Variants in MMAB observed in about 807,000 individuals in gnomAD.
MMAB encodes the protein corrinoid adenosyltransferase MMAB.
MMAB carries 17 observed loss-of-function variants against 30.6 expected under a neutral mutation model. The observed-to-expected ratio is 0.56, with a 90% confidence interval of 0.38 to 0.83. MMAB has a LOEUF of 0.83. Ranked by LOEUF, MMAB falls within the 40% of genes least tolerant of loss-of-function variation. MMAB has a pLI of 0.00. For synonymous variants in MMAB, 134 were observed against 138.6 expected (o/e 0.97, Z 0.23); for missense variants, 311 against 331.6 (o/e 0.94, Z 0.48).
Position 109,573,438 on chromosome 12 carries a change from G to C in MMAB, c.43C>G (p.Arg15Gly). The C allele has an allele frequency of 1.2e-6, 2 of 1,606,932 alleles. No homozygotes were observed. Among genetic ancestry groups the C allele is most frequent in the Non-Finnish European group, 1.7e-6 (2 of 1,177,860 alleles). The part of the protein sequence containing the change: ...GLGSRLGLGS[R>G]LGLRGCFGAA... ...CCGAAGCACCCGCGCAGGCCAAGAC[G>C]GCTCCCCAGGCCAAGACGGCTCCCC... Residue 15 changes from arginine to glycine, a missense_variant, in exon 1 of 9, where the codon CGT becomes GGT. Coordinates refer to ENST00000545712, the MANE Select transcript of MMAB (RefSeq NM_052845.4).
intron 4 of MMAB, among the ~76,000 whole-genome samples, chr12:109,562,481 G>A (rs191728485): frequency 6.6e-6 from 1 of 152,194 alleles, no homozygotes; most frequent in African/African-American, 2.4e-5. Flanking sequence ...TGGCTCTTTT[G>A]CAGTCTGAGG....
chr12:109,557,929 C>T (rs371191383), intron 8 of MMAB, among the ~76,000 whole-genome samples: 11 of 152,346 alleles, frequency 7.2e-5, no homozygotes, highest in South Asian at 2.1e-4. Context: ...TAGAGGACGA[C>T]GCCACGGGCC....
In MMAB at chr12:109,555,286, T is replaced by TTTGTTTGTTTGTTTG; in HGVS notation, c.*1741_*1742insCAAACAAACAAACAA. On this transcript the variant is annotated 3_prime_UTR_variant, in exon 9 of 9. Transcript: ENST00000545712. ...ATTGCGTTTTCAGGGTTTTTTTTTT[T>TTTGTTTGTTTGTTTG]TTTTTTTTTTTTTTGTGACGGAGTC... The TTTGTTTGTTTGTTTG allele has an allele frequency of 8.5e-6, 3 of 354,766 alleles. No homozygotes were observed. The highest frequency in any genetic ancestry group is 3.0e-5 in the African/African-American group (1 of 33,688). The allele number at this position is 354,766 out of a possible 1,614,324, so 22.0% of individuals were successfully genotyped here.
chr12:109,573,414 C>A lies in MMAB; in HGVS notation c.67G>T (p.Gly23Cys). The A allele has an allele frequency of 6.2e-7, 1 of 1,610,236 alleles. No homozygotes were observed. Among genetic ancestry groups the A allele is most frequent in the Non-Finnish European group, 8.5e-7 (1 of 1,179,194 alleles). ...CGGGGATACAGGAGCCTGGCGGCGC[C>A]GAAGCACCCGCGCAGGCCAAGACGG... ...GSRLGLRGCFGAARLLYPRFQ... is the reference protein window; with the variant it reads ...GSRLGLRGCFCAARLLYPRFQ... The change falls in exon 1 of 9, where the codon GGC (glycine) becomes TGC (cysteine). Residue 23 changes from glycine to cysteine, a missense_variant. Transcript: ENST00000545712.
At chr12:109,562,786 G>A (rs1468624176) in intron 4 of MMAB, among the ~76,000 whole-genome samples, 2 of 152,216 alleles carry the variant, frequency 1.3e-5, no homozygotes, top group African/African-American at 4.8e-5. Context: ...GGCTGGGTGA[G>A]GCCTGTGCTC....
In MMAB at chr12:109,561,332, G is replaced by A; in HGVS notation, c.519+88C>T. ...GAACTGGAGGACAGCGTCTGTCACTGTGAAAAGAGGGATTTATTCAGAGCC... is the reference window on the plus strand; with the variant it reads ...GAACTGGAGGACAGCGTCTGTCACTATGAAAAGAGGGATTTATTCAGAGCC... On this transcript the variant is annotated intron_variant, in intron 6 of 8. Transcript: ENST00000545712. This position sits in a 1 kb window ranked among gnomAD's most constrained non-coding sequence, Gnocchi z 5.3. 1.9e-6 allele frequency: 3 copies of A among 1,541,758 alleles called. No individual in the cohort carries two copies. Among genetic ancestry groups the A allele is most frequent in the Non-Finnish European group, 2.6e-6 (3 of 1,148,422 alleles).
At chr12:109,565,349 G>A (rs1313236224) in intron 3 of MMAB, among the ~76,000 whole-genome samples, 173 bp from the exon 4 acceptor site, 2 of 152,160 alleles carry the variant, frequency 1.3e-5, no homozygotes, top group Non-Finnish European at 2.9e-5. Context: ...GGGGGCGGTG[G>A]TATTTGTTTC....
chr12:109,561,516 C>T lies in MMAB; in HGVS notation c.423G>A (p.Lys141=), dbSNP rs1474862262. ...TGGGCCCCGCCTTGAACGTGGTATA[C>T]TCTGAGGAGCCAAGGAGCAGAGGGA... The part of the protein sequence containing the change: ...PCSSAREAHL[K]YTTFKAGPIL... The change falls in exon 6 of 9, where the codon AAG becomes AAA. Residue 141 remains lysine, a splice_region_variant and synonymous_variant. Transcript: ENST00000545712. This position sits in a 1 kb window ranked among gnomAD's most constrained non-coding sequence, Gnocchi z 5.3. 6.5e-7 allele frequency: 1 copy of T among 1,548,280 alleles called. No homozygotes were observed. Among genetic ancestry groups the T allele is most frequent in the Non-Finnish European group, 8.7e-7 (1 of 1,146,816 alleles).
intron 3 of MMAB, chr12:109,567,165 C>T (rs953935765): frequency 3.2e-5 from 12 of 369,898 alleles, no homozygotes; most frequent in East Asian, 2.3e-4. Context: ...CGCGAAACTC[C>T]GTCTCGGAAA....
rs34507867 is a variant in MMAB at position 109,555,449 on chromosome 12, ATTTT to A, written c.*1575_*1578del. 0.026 allele frequency: 8,234 copies of A among 313,576 alleles called. 1 individual carries two copies. Among genetic ancestry groups the A allele is most frequent in the Middle Eastern group, 0.035 (31 of 886 alleles). The allele number at this position is 313,576 out of a possible 1,614,324, so 19.4% of individuals were successfully genotyped here. ...AGGCACCCGCCACCATGCCCAGCTA[ATTTT>A]TTTTTTTTTTTTTTTTTTTTAGCAG... is the stretch of plus-strand genomic sequence containing the variant. On this transcript the variant is annotated 3_prime_UTR_variant, in exon 9 of 9. Transcript: ENST00000545712.
Position 109,561,848 on chromosome 12 carries a change from T to C in MMAB, c.353A>G (p.Gln118Arg), listed in dbSNP as rs768944676. 1 of 1,604,856 alleles carries C rather than the reference T, an allele frequency of 6.2e-7. No homozygotes were observed. Residue 118 changes from glutamine (Q) to arginine (R), a missense_variant, in exon 5 of 9, where the codon CAG becomes CGG. Physicochemically the swap from Gln to Arg is conservative, Grantham distance 43. Transcript: ENST00000545712. This position sits in a 1 kb window ranked among gnomAD's most constrained non-coding sequence, Gnocchi z 5.3. ...CGAGCCGACGTCCTGCAATGTGCACTGGATCTGGGGGGCGACAGAAAGTGA... is the reference window on the plus strand; with the variant it reads ...CGAGCCGACGTCCTGCAATGTGCACCGGATCTGGGGGGCGACAGAAAGTGA... ...HTFAEELQKI[Q>R]CTLQDVGSAL...
Position 109,555,282 on chromosome 12 carries a change from T to TG in MMAB, c.*1745_*1746insC. ...AGTGATTGCGTTTTCAGGGTTTTTT[T>TG]TTTTTTTTTTTTTTTTTTGTGACGG... On this transcript the variant is annotated 3_prime_UTR_variant, in exon 9 of 9. Transcript: ENST00000545712. 2 of 246,788 alleles carry TG rather than the reference T, an allele frequency of 8.1e-6. No homozygotes were observed. Among genetic ancestry groups the TG allele is most frequent in the Non-Finnish European group, 1.7e-5 (2 of 119,312 alleles). 15.3% of individuals were successfully genotyped at this position (246,788 alleles called of 1,614,324 possible). A position where few individuals can be genotyped will look rare whatever the true frequency, so the allele number is the denominator to read the frequency against.
chr12:109,570,873 C>CAAAAAAAAAAAA (rs111235348), intron 2 of MMAB, among the ~76,000 whole-genome samples: 2 of 92,376 alleles, frequency 2.2e-5, no homozygotes, highest in African/African-American at 3.9e-5. Flanking sequence ...AACCCTGTAT[C>CAAAAAAAAAAAA]AAAAAAAAAA....
chr12:109,571,558 A>G (rs1884626714), intron 2 of MMAB, 91 bp downstream of exon 2: 2 of 1,260,236 alleles, frequency 1.6e-6, no homozygotes, highest in Admixed American at 3.5e-5. Context: ...GGTATATTAT[A>G]CTTTAAAGTG....
rs774923670 is a variant in MMAB at position 109,561,725 on chromosome 12, G to T, written c.421+55C>A. 1.3e-6 allele frequency: 2 copies of T among 1,504,564 alleles called. No homozygotes were observed. The highest frequency in any genetic ancestry group is 2.8e-5 in the African/African-American group (2 of 72,310). The allele number at this position is 1,504,564 out of a possible 1,614,324, so 93.2% of individuals were successfully genotyped here. A position where few individuals can be genotyped will look rare whatever the true frequency, so the allele number is the denominator to read the frequency against. On this transcript the variant is annotated intron_variant, in intron 5 of 8. Transcript: ENST00000545712. The surrounding 1 kb of genome is among the most constrained non-coding windows in gnomAD (Gnocchi z 5.3). Reference sequence around the variant, plus strand: ...CCTGGGATCCCAGATGGTGACCCTAGGAGAGTCCCCTGACCCTAGGGCCCT... The same window carrying T: ...CCTGGGATCCCAGATGGTGACCCTATGAGAGTCCCCTGACCCTAGGGCCCT...
At chr12:109,557,762 G>C (rs1384785294) in intron 8 of MMAB, among the ~76,000 whole-genome samples, 1 of 152,230 alleles carries the variant, frequency 6.6e-6, no homozygotes, top group African/African-American at 2.4e-5. Context: ...GTGACAACTA[G>C]TAATGCCTCC....
chr12:109,573,265 T>A, intron 1 of MMAB, 82 bp downstream of exon 1: 1 of 1,582,312 alleles, frequency 6.3e-7, no homozygotes, highest in Non-Finnish European at 8.7e-7. Context: ...CGCGGTGACC[T>A]CACGGCGGTG....
intron 4 of MMAB, among the ~76,000 whole-genome samples, chr12:109,564,325 A>G (rs1479341150): frequency 2.1e-5 from 3 of 140,176 alleles, no homozygotes; most frequent in African/African-American, 8.1e-5. Context: ...AATCCTCCCC[A>G]CTCGCCTGTG....
At position 109,573,220 on chromosome 12, in the gene MMAB, G is replaced by T. The variant is rs1386144810; in HGVS notation, c.134+127C>A. On this transcript the variant is annotated intron_variant, in intron 1 of 8. Transcript: ENST00000545712. Reference sequence around the variant, plus strand: ...ACGTGGCCCACGTTGCCATGGTGACGTCAGAACAGCGTGGAGACGTCACCT... The same window carrying T: ...ACGTGGCCCACGTTGCCATGGTGACTTCAGAACAGCGTGGAGACGTCACCT... The T allele has an allele frequency of 3.0e-6, 4 of 1,325,436 alleles. No individual in the cohort carries two copies. In the Admixed American group the frequency reaches 5.6e-5, roughly 18 times the overall value. The allele number at this position is 1,325,436 out of a possible 1,614,324, so 82.1% of individuals were successfully genotyped here. A position where few individuals can be genotyped will look rare whatever the true frequency, so the allele number is the denominator to read the frequency against.
Sources: allele counts gnomAD v4.1 joint callset (sites outside exome capture counted in the v4.1 genomes callset), GRCh38; gene constraint gnomAD v4.1.1; non-coding constraint Gnocchi (gnomAD v3.1); transcripts MANE v1.5; gene names NCBI Gene and HGNC (gene_info 2026-07-23, HGNC 2026-07-21).